The following NALF1 variants were observed in gnomAD, a reference collection of about 807,000 sequenced individuals.
NALF1 encodes the protein NALCN channel auxiliary factor 1, also known as family with sequence similarity 155 member A.
In NALF1, 3 loss-of-function variants were observed where a neutral mutation model predicts 48.4. That is an observed-to-expected ratio of 0.06 (90% CI 0.03 to 0.16). The LOEUF (loss-of-function observed/expected upper bound fraction) is 0.16. Among genes scored for constraint, NALF1 ranks in the 10% least tolerant of loss-of-function variants. NALF1 has a pLI of 1.00. For missense variants in NALF1, 526 were observed against 571.5 expected, an observed-to-expected ratio of 0.92 and a Z score of 0.81; for synonymous variants, 262 against 245.7, an observed-to-expected ratio of 1.07 and a Z score of -0.62.
chr13:107,529,877 C>T (rs79094711), intron 1 of NALF1, among the ~76,000 whole-genome samples: 1,853 of 152,164 alleles, frequency 0.012, 22 homozygotes, highest in South Asian at 0.034. Flanking sequence ...CAATGCTTGA[C>T]ATCCCTTCAT....
At chr13:107,296,778 A>AAT (rs1030671119) in intron 1 of NALF1, among the ~76,000 whole-genome samples, 3 of 151,974 alleles carry the variant, frequency 2.0e-5, no homozygotes, top group African/African-American at 2.4e-5. Context: ...TAAAAAAGAA[A>AAT]ATATATATAT....
At chr13:107,707,098 AT>A (rs796324305) in intron 1 of NALF1, among the ~76,000 whole-genome samples, 3 of 150,496 alleles carry the variant, frequency 2.0e-5, no homozygotes, top group Admixed American at 6.6e-5. Context: ...AATTTTTTGT[AT>A]TTTTAGTAGA....
intron 1 of NALF1, among the ~76,000 whole-genome samples, chr13:107,849,181 T>C (rs1371160480): frequency 6.6e-6 from 1 of 152,202 alleles, no homozygotes; most frequent in Non-Finnish European, 1.5e-5. Context: ...TTTCATAATG[T>C]GAAATAAATA....
intron 1 of NALF1, among the ~76,000 whole-genome samples, chr13:107,389,041 A>T (rs549945022): frequency 6.6e-6 from 1 of 152,328 alleles, no homozygotes. Flanking sequence ...CGCCGCACTG[A>T]GACAGCCACC....
intron 1 of NALF1, among the ~76,000 whole-genome samples, chr13:107,321,882 T>C (rs926896863): frequency 6.6e-6 from 1 of 152,154 alleles, no homozygotes; most frequent in African/African-American, 2.4e-5. Flanking sequence ...AAAAACGGTA[T>C]ATATTTCATT....
At chr13:107,201,072 T>G (rs907693686) in intron 2 of NALF1, among the ~76,000 whole-genome samples, 1 of 152,216 alleles carries the variant, frequency 6.6e-6, no homozygotes, top group African/African-American at 2.4e-5. Flanking sequence ...TTTTGGCTTT[T>G]GTCTCCAGTT....
At chr13:107,287,609 C>T (rs187024723) in intron 1 of NALF1, among the ~76,000 whole-genome samples, 9 of 152,030 alleles carry the variant, frequency 5.9e-5, no homozygotes, top group South Asian at 2.1e-4. Flanking sequence ...TGTATCACCA[C>T]GCCTAGATGA....
chr13:107,467,107 TC>T (rs1885016579), intron 1 of NALF1, among the ~76,000 whole-genome samples: 1 of 152,212 alleles, frequency 6.6e-6, no homozygotes, highest in Non-Finnish European at 1.5e-5. Flanking sequence ...GGAGTTTTTT[TC>T]ATCTGTTAAT....
chr13:107,200,617 T>C (rs989857323), intron 2 of NALF1, among the ~76,000 whole-genome samples: 4 of 152,156 alleles, frequency 2.6e-5, no homozygotes, highest in Admixed American at 2.6e-4. Context: ...CAGAACTGCA[T>C]TTAATAACAG....
At position 107,824,978 on chromosome 13, in the gene NALF1, C is replaced by T. The variant is rs957946077; in HGVS notation, c.915+40704G>A. Among the ~76,000 whole-genome samples, 13 of 152,098 alleles carry T rather than the reference C, an allele frequency of 8.5e-5. No individual in the cohort carries two copies. The East Asian group carries it at 9.6e-4, about 11-fold the overall frequency. ...AATACTAGGACATGATCCCAAACCACGAATCTAGTAGCTACAATGCTTTTG... is the reference window on the plus strand; with the variant it reads ...AATACTAGGACATGATCCCAAACCATGAATCTAGTAGCTACAATGCTTTTG... On this transcript the variant is annotated intron_variant, in intron 1 of 2. Transcript: ENST00000375915.
At chr13:107,587,104 T>C (rs1377666475) in intron 1 of NALF1, among the ~76,000 whole-genome samples, 1 of 152,134 alleles carries the variant, frequency 6.6e-6, no homozygotes, top group Non-Finnish European at 1.5e-5. Flanking sequence ...GTGCCTCAGA[T>C]GTCACACAGC....
chr13:107,285,985 G>A (rs1010146525), intron 1 of NALF1, among the ~76,000 whole-genome samples: 4 of 152,062 alleles, frequency 2.6e-5, no homozygotes, highest in African/African-American at 9.7e-5. Flanking sequence ...AGGGCATGAA[G>A]AATATTTGAA....
chr13:107,471,855 G>A (rs889104701), intron 1 of NALF1, among the ~76,000 whole-genome samples: 4 of 152,122 alleles, frequency 2.6e-5, no homozygotes, highest in Admixed American at 2.6e-4. Context: ...TCATCCCAAT[G>A]TATTATTTTC....
intron 1 of NALF1, among the ~76,000 whole-genome samples, chr13:107,784,762 G>A (rs1052330094): frequency 2.0e-5 from 3 of 152,078 alleles, no homozygotes; most frequent in African/African-American, 4.8e-5. Context: ...AGATGTTGGC[G>A]TGGATGTGGC....
chr13:107,349,221 T>A (rs573626076), intron 1 of NALF1, among the ~76,000 whole-genome samples: 1 of 152,306 alleles, frequency 6.6e-6, no homozygotes, highest in Admixed American at 6.5e-5. Context: ...TCTTTCTTCA[T>A]TCCCCTCCTT....
chr13:107,387,168 T>C (rs971719116), intron 1 of NALF1, among the ~76,000 whole-genome samples: 8 of 152,126 alleles, frequency 5.3e-5, no homozygotes, highest in African/African-American at 1.9e-4. Context: ...GTCTTAGAAA[T>C]TTCGACGGTC....
intron 1 of NALF1, among the ~76,000 whole-genome samples, chr13:107,245,792 A>T (rs1482799093): frequency 6.6e-6 from 1 of 152,104 alleles, no homozygotes; most frequent in Non-Finnish European, 1.5e-5. Context: ...GCACCCATTC[A>T]CCATTGAAAG....
At chr13:107,548,709 C>T (rs980066017) in intron 1 of NALF1, among the ~76,000 whole-genome samples, 3 of 152,088 alleles carry the variant, frequency 2.0e-5, no homozygotes, top group African/African-American at 7.2e-5. Context: ...TCCATAGCAA[C>T]CCACAGGTAG....
At chr13:107,518,481 A>G (rs1419794146) in intron 1 of NALF1, among the ~76,000 whole-genome samples, 1 of 152,096 alleles carries the variant, frequency 6.6e-6, no homozygotes, top group Non-Finnish European at 1.5e-5. Context: ...ACTTGGAGAT[A>G]AATATTGTTT....
Sources: allele counts gnomAD v4.1 joint callset (sites outside exome capture counted in the v4.1 genomes callset), GRCh38; gene constraint gnomAD v4.1.1; transcripts MANE v1.5; gene names NCBI Gene and HGNC (gene_info 2026-07-23, HGNC 2026-07-21).